SLC39A11: variants seen among roughly 807,000 people sequenced by gnomAD.
The protein encoded by SLC39A11 is zinc transporter ZIP11.
A neutral mutation model predicts 36.1 loss-of-function variants in SLC39A11; 33 were observed. The observed-to-expected ratio is 0.91, with a 90% CI of 0.69 to 1.22. SLC39A11 has a LOEUF of 1.22. SLC39A11 is among the 50% of genes most tolerant of loss of function. The pLI, the probability that SLC39A11 is intolerant of heterozygous loss-of-function variation, is 0.00. For synonymous variants in SLC39A11, 166 were observed against 170.3 expected (o/e 0.97, Z 0.20); for missense variants, 432 against 430.3 (o/e 1.00, Z -0.03).
intron 7 of SLC39A11, among the ~76,000 whole-genome samples, chr17:72,698,061 T>C (rs766596927): frequency 2.8e-4 from 42 of 152,358 alleles, no homozygotes; most frequent in Non-Finnish European, 5.7e-4. Flanking sequence ...CGCCTTGTTC[T>C]ACGCGGGCCT....
intron 5 of SLC39A11, among the ~76,000 whole-genome samples, chr17:72,885,936 C>A (rs913701595): frequency 6.6e-5 from 10 of 152,238 alleles, no homozygotes; most frequent in Admixed American, 6.5e-4. Flanking sequence ...GGGGTCACCA[C>A]TGGTGCCCAT....
intron 4 of SLC39A11, among the ~76,000 whole-genome samples, chr17:73,010,012 T>A (rs2148490850): frequency 6.6e-6 from 1 of 151,862 alleles, no homozygotes; most frequent in African/African-American, 2.4e-5. Flanking sequence ...CCCTCTCCAC[T>A]CCAAGGTTTC....
At chr17:72,662,667 GGAAGGAAAA>G (rs989936771) in intron 7 of SLC39A11, among the ~76,000 whole-genome samples, 3 of 88,802 alleles carry the variant, frequency 3.4e-5, no homozygotes, top group African/African-American at 1.7e-4. Context: ...AAAAGAAAAA[GGAAGGAAAA>G]GAAGGAAAAG....
At chr17:72,759,078 G>C (rs2144504842) in intron 6 of SLC39A11, among the ~76,000 whole-genome samples, 1 of 144,002 alleles carries the variant, frequency 6.9e-6, no homozygotes, top group Middle Eastern at 3.5e-3. Context: ...TCCAGCCTGG[G>C]CAACAGAGTG....
intron 7 of SLC39A11, among the ~76,000 whole-genome samples, chr17:72,699,638 G>T (rs2072510193): frequency 1.3e-5 from 2 of 152,310 alleles, no homozygotes; most frequent in South Asian, 2.1e-4. Flanking sequence ...TTGCCTTGGG[G>T]CCATGCTGTA....
intron 5 of SLC39A11, among the ~76,000 whole-genome samples, chr17:72,865,749 T>C (rs907478014): frequency 1.3e-5 from 2 of 151,944 alleles, no homozygotes; most frequent in East Asian, 1.9e-4. Context: ...CTTTGTGTAA[T>C]AGCTCTTTTT....
chr17:72,933,182 G>A (rs1366446163), intron 5 of SLC39A11, among the ~76,000 whole-genome samples: 1 of 152,154 alleles, frequency 6.6e-6, no homozygotes, highest in Non-Finnish European at 1.5e-5. Flanking sequence ...AAATTCCAAG[G>A]AATCTACCAA....
At chr17:72,655,487 G>A (rs542359814) in intron 7 of SLC39A11, among the ~76,000 whole-genome samples, 1 of 152,260 alleles carries the variant, frequency 6.6e-6, no homozygotes, top group African/African-American at 2.4e-5. Context: ...CGTGGCATTG[G>A]GCCCCCTGTG....
At chr17:72,691,348 C>A (rs1598356529) in intron 7 of SLC39A11, among the ~76,000 whole-genome samples, 1 of 151,842 alleles carries the variant, frequency 6.6e-6, no homozygotes, top group African/African-American at 2.4e-5. Flanking sequence ...AGTGTAGACC[C>A]GGCCTTACCC....
chr17:72,976,853 A>G (rs1055382105), intron 4 of SLC39A11, among the ~76,000 whole-genome samples: 1 of 152,184 alleles, frequency 6.6e-6, no homozygotes, highest in Non-Finnish European at 1.5e-5. Context: ...CGTCTCAAAA[A>G]AAAAAAGAAA....
intron 5 of SLC39A11, among the ~76,000 whole-genome samples, chr17:72,889,553 C>T (rs902867806): frequency 3.3e-5 from 5 of 150,506 alleles, no homozygotes; most frequent in Non-Finnish European, 7.4e-5. Flanking sequence ...AAAAAAAATA[C>T]GTTAAATAAC....
chr17:72,782,404 T>G (rs577703032), intron 6 of SLC39A11, among the ~76,000 whole-genome samples: 1 of 152,146 alleles, frequency 6.6e-6, no homozygotes, highest in Non-Finnish European at 1.5e-5. Context: ...CAGTTTGCAG[T>G]ACTGTGTTAC....
intron 6 of SLC39A11, among the ~76,000 whole-genome samples, chr17:72,815,860 G>A (rs889530813): frequency 5.3e-5 from 8 of 152,214 alleles, no homozygotes; most frequent in African/African-American, 1.9e-4. Flanking sequence ...GGTGGAGGCT[G>A]CAGTGAGCCG....
intron 7 of SLC39A11, among the ~76,000 whole-genome samples, chr17:72,656,162 G>A (rs1452136363): frequency 6.6e-6 from 1 of 152,168 alleles, no homozygotes; most frequent in Non-Finnish European, 1.5e-5. Flanking sequence ...ATTCAAAACA[G>A]CATTCAAAAG....
At chr17:72,972,224 C>T (rs1314180061) in intron 4 of SLC39A11, among the ~76,000 whole-genome samples, 1 of 152,152 alleles carries the variant, frequency 6.6e-6, no homozygotes, top group Non-Finnish European at 1.5e-5. Context: ...CTCCCTTCCC[C>T]ATGGGTGACA....
At chr17:72,721,966 C>G (rs1219129049) in intron 7 of SLC39A11, among the ~76,000 whole-genome samples, 1 of 43,328 alleles carries the variant, frequency 2.3e-5, no homozygotes, top group Admixed American at 2.6e-4. Flanking sequence ...AAGCCTCCAT[C>G]TCAAAAAAAA....
intron 6 of SLC39A11, among the ~76,000 whole-genome samples, chr17:72,832,117 TA>T (rs1381316053): frequency 6.6e-6 from 1 of 152,214 alleles, no homozygotes; most frequent in East Asian, 1.9e-4. Flanking sequence ...CTGTGGCTAC[TA>T]ACTACTGCAT....
intron 6 of SLC39A11, among the ~76,000 whole-genome samples, chr17:72,800,612 C>T (rs2077052821): frequency 6.6e-6 from 1 of 152,118 alleles, no homozygotes; most frequent in Non-Finnish European, 1.5e-5. Flanking sequence ...GCCTGGCTGA[C>T]TTAGAAGAAT....
chr17:72,871,513 G>GA (rs575413896), intron 5 of SLC39A11, among the ~76,000 whole-genome samples: 71 of 152,162 alleles, frequency 4.7e-4, no homozygotes, highest in Non-Finnish European at 8.8e-4. Context: ...GGCCTCTGGG[G>GA]AGGAGGAGAG....
Sources: gnomAD v4.1 joint callset for allele counts (sites outside exome capture counted in the v4.1 genomes callset) on GRCh38, gnomAD v4.1.1 for gene constraint, MANE v1.5 for transcripts, NCBI Gene and HGNC (gene_info 2026-07-23, HGNC 2026-07-21) for gene names.